Variants in RADIL observed in about 807,000 individuals in gnomAD.
The protein encoded by RADIL is Rap associating with DIL domain.
In RADIL, 99 loss-of-function variants were observed where a neutral mutation model predicts 97.6. That is an observed-to-expected ratio of 1.01 (90% confidence interval 0.86 to 1.20). The LOEUF (loss-of-function observed/expected upper bound fraction) is 1.20. Among genes scored for constraint, RADIL ranks in the 50% most tolerant of loss-of-function variants. The pLI is 0.00. For synonymous variants in RADIL, 803 were observed against 691.8 expected (o/e 1.16, Z -2.52); for missense variants, 1,765 against 1,498.9 (o/e 1.18, Z -2.93).
intron 1 of RADIL, among the ~76,000 whole-genome samples, chr7:4,881,735 A>T (rs1368955805): frequency 1.3e-5 from 2 of 152,104 alleles, no homozygotes; most frequent in Non-Finnish European, 2.9e-5. Context: ...TCAAAAAAAA[A>T]AAAAAAGACA....
intron 2 of RADIL, among the ~76,000 whole-genome samples, chr7:4,856,621 A>C (rs1009082892): frequency 6.6e-6 from 1 of 152,114 alleles, no homozygotes; most frequent in African/African-American, 2.4e-5. Context: ...TGTCTTCTTT[A>C]TGCTGTTACT....
chr7:4,809,507 G>A (rs918518532), intron 9 of RADIL: 8 of 985,198 alleles, frequency 8.1e-6, no homozygotes, highest in South Asian at 9.4e-5. Flanking sequence ...CCCAAAACAA[G>A]AACAAGAACG....
Position 4,860,726 on chromosome 7 carries a change from A to C in RADIL, c.535+16879T>G. On this transcript the variant is annotated intron_variant, in intron 2 of 14. Transcript: ENST00000399583. ...TTGAAAGAAGCTTGGAGCTTCAAAG[A>C]GTTTGGACCACTCTGCCTTACTTAG... The C allele has an allele frequency of 6.2e-7, 1 of 1,614,160 alleles. No homozygotes were observed. Among genetic ancestry groups the C allele is most frequent in the Non-Finnish European group, 8.5e-7 (1 of 1,180,000 alleles).
Position 4,822,627 on chromosome 7 carries a change from C to T in RADIL, c.1455-73G>A, listed in dbSNP as rs982953860. ...GAGGCTGAATCTACCACTCTTTCTA[C>T]ATAAGGATGCGCGTTTTCATGGGAC... On this transcript the variant is annotated intron_variant, in intron 5 of 14. Transcript: ENST00000399583. This position sits in a 1 kb window ranked among gnomAD's most constrained non-coding sequence, Gnocchi z 5.3. 11 of 1,515,942 alleles carry T rather than the reference C, an allele frequency of 7.3e-6. No homozygotes were observed. The highest frequency in any genetic ancestry group is 4.5e-5 in the East Asian group (2 of 44,260). The allele number at this position is 1,515,942 out of a possible 1,614,324, so 93.9% of individuals were successfully genotyped here. A position where few individuals can be genotyped will look rare whatever the true frequency, so the allele number is the denominator to read the frequency against.
At position 4,883,050 on chromosome 7, in the gene RADIL, T is replaced by C. The variant is rs1165454423; in HGVS notation, c.-65+546A>G. Among the ~76,000 whole-genome samples the C allele has an allele frequency of 6.6e-6, 1 of 151,958 alleles. No individual in the cohort carries two copies. The highest frequency in any genetic ancestry group is 1.9e-4 in the East Asian group (1 of 5,180). On this transcript the variant is annotated intron_variant, in intron 1 of 14. Transcript: ENST00000399583. This position sits in a 1 kb window ranked among gnomAD's most constrained non-coding sequence, Gnocchi z 7.1. ...CGAGGGGCTGGAAATGGTACATAAATAGCCGGGAAACAATGCTTTGAGCTG... is the reference window on the plus strand; with the variant it reads ...CGAGGGGCTGGAAATGGTACATAAACAGCCGGGAAACAATGCTTTGAGCTG...
At chr7:4,855,252 T>C (rs1270644349) in intron 2 of RADIL, among the ~76,000 whole-genome samples, 1 of 152,186 alleles carries the variant, frequency 6.6e-6, no homozygotes, top group Non-Finnish European at 1.5e-5. Flanking sequence ...TTTCAAATGC[T>C]TCCTGACTTT....
chr7:4,875,191 CCAACAACAA>C (rs145735931), intron 2 of RADIL, among the ~76,000 whole-genome samples: 29,025 of 110,042 alleles, frequency 0.26, 4,284 homozygotes, highest in Admixed American at 0.36. Context: ...GACTCCATCT[CCAACAACAA>C]CAACAACAAC....
intron 11 of RADIL, among the ~76,000 whole-genome samples, chr7:4,802,462 CG>C (rs1229067095): frequency 6.9e-6 from 1 of 144,700 alleles, no homozygotes; most frequent in East Asian, 2.1e-4. Flanking sequence ...CCGGGCACCT[CG>C]GGGCACGCTG....
intron 4 of RADIL, 81 bp from the exon 5 acceptor site, chr7:4,832,259 A>G: frequency 1.4e-6 from 2 of 1,394,610 alleles, no homozygotes; most frequent in Non-Finnish European, 2.0e-6. Flanking sequence ...GATACCATCG[A>G]CAGGAAAACA....
intron 2 of RADIL, among the ~76,000 whole-genome samples, chr7:4,850,268 T>C (rs1392195149): frequency 1.4e-5 from 2 of 144,450 alleles, no homozygotes; most frequent in Non-Finnish European, 3.0e-5. Flanking sequence ...TGTATGTATG[T>C]ATATACATGT....
At chr7:4,820,003 C>G (rs1197027546) in intron 6 of RADIL, among the ~76,000 whole-genome samples, 1 of 152,266 alleles carries the variant, frequency 6.6e-6, no homozygotes, top group Non-Finnish European at 1.5e-5. Flanking sequence ...GCCACCAAAC[C>G]CAGGCAGCCA....
In RADIL at chr7:4,873,726, C is replaced by T. The variant is rs978468270; in HGVS notation, c.535+3879G>A. Among the ~76,000 whole-genome samples the T allele has an allele frequency of 6.6e-6, 1 of 152,254 alleles. No individual in the cohort carries two copies. Among genetic ancestry groups the T allele is most frequent in the Non-Finnish European group, 1.5e-5 (1 of 68,050 alleles). On this transcript the variant is annotated intron_variant, in intron 2 of 14. Coordinates refer to ENST00000399583, the MANE Select transcript of RADIL (RefSeq NM_018059.5). This position sits in a 1 kb window ranked among gnomAD's most constrained non-coding sequence, Gnocchi z 4.3. ...GGCCACTCTCAGGACAAACAGACAC[C>T]ACAGCAGCCCCATCGGTGCCCAGGG...
Position 4,836,610 on chromosome 7 carries a change from A to G in RADIL, c.536-5T>C, listed in dbSNP as rs1783307450. ...TCCGGGCCTGGGCGTTTATCCCTGG[A>G]ACAGAAGCAACACAAGGTGAACAGT... On this transcript the variant is annotated splice_region_variant and splice_polypyrimidine_tract_variant and intron_variant, in intron 2 of 14. Coordinates refer to ENST00000399583, the MANE Select transcript of RADIL (RefSeq NM_018059.5). The G allele has an allele frequency of 1.2e-6, 2 of 1,605,986 alleles. No homozygotes were observed. The highest frequency in any genetic ancestry group is 1.7e-6 in the Non-Finnish European group (2 of 1,179,690).
At chr7:4,800,994 C>T (rs897917253) in intron 12 of RADIL, among the ~76,000 whole-genome samples, 5 of 152,230 alleles carry the variant, frequency 3.3e-5, no homozygotes, top group Non-Finnish European at 7.3e-5. Context: ...AATGCCCTCC[C>T]CAGCCTAGGC....
Position 4,801,996 on chromosome 7 carries a change from C to A in RADIL, c.2500-1G>T. On this transcript the variant is annotated splice_acceptor_variant, in intron 11 of 14. Coordinates refer to ENST00000399583, the MANE Select transcript of RADIL (RefSeq NM_018059.5). LOFTEE classifies it high-confidence loss of function. ...CGTCAAGGACCACGTGGTGCATACC[C>A]TAGGGAGAGGAAGGGTGACAGCTCA... 1 of 1,507,142 alleles carries A rather than the reference C, an allele frequency of 6.6e-7. No individual in the cohort carries two copies. Among genetic ancestry groups the A allele is most frequent in the Non-Finnish European group, 8.8e-7 (1 of 1,130,162 alleles). 93.4% of individuals were successfully genotyped at this position (1,507,142 alleles called of 1,614,324 possible).
rs571407473 is a variant in RADIL, at chr7:4,826,601, C to T, written c.1455-4047G>A. ...TACAAAAATTAGCCGGGCGTGGTGG[C>T]GCGTGCCTGTAATCCTAGCTACTCT... On this transcript the variant is annotated intron_variant, in intron 5 of 14. Coordinates refer to ENST00000399583, the MANE Select transcript of RADIL (RefSeq NM_018059.5). 2.4e-3 allele frequency among the ~76,000 whole-genome samples: 363 copies of T among 151,652 alleles called. 2 individuals carry two copies. The highest frequency in any genetic ancestry group is 8.3e-3 in the African/African-American group (344 of 41,318).
chr7:4,878,977 T>G lies in RADIL; in HGVS notation c.-64-774A>C, dbSNP rs6944212. On this transcript the variant is annotated intron_variant, in intron 1 of 14. Coordinates refer to ENST00000399583, the MANE Select transcript of RADIL (RefSeq NM_018059.5). The surrounding 1 kb of genome is among the most constrained non-coding windows in gnomAD (Gnocchi z 4.1). ...GCGAATCGCAGCCACGTTGGCAGAA[T>G]AGACCATCAGACATTCCAGACACAA... Among the ~76,000 whole-genome samples the G allele has an allele frequency of 0.08, 12,189 of 152,248 alleles. 1,561 individuals carry two copies. The highest frequency in any genetic ancestry group is 0.27 in the African/African-American group (11,394 of 41,496).
Position 4,835,332 on chromosome 7 carries a change from G to GCATTTGTGGCCAGGTCCT in RADIL, c.784-94_784-93insAGGACCTGGCCACAAATG. The stretch of plus-strand genomic sequence containing the variant: ...AGTCACTGGTTGCTGAAGCAGCGTG[G>GCATTTGTGGCCAGGTCCT]CTGGGATGCTGTCGCCACGGGCTCT... On this transcript the variant is annotated intron_variant, in intron 3 of 14. Coordinates refer to ENST00000399583, the MANE Select transcript of RADIL (RefSeq NM_018059.5). This position sits in a 1 kb window ranked among gnomAD's most constrained non-coding sequence, Gnocchi z 5.8. 1 of 1,488,074 alleles carries GCATTTGTGGCCAGGTCCT rather than the reference G, an allele frequency of 6.7e-7. No homozygotes were observed. The highest frequency in any genetic ancestry group is 9.0e-7 in the Non-Finnish European group (1 of 1,110,436). The allele number at this position is 1,488,074 out of a possible 1,614,324, so 92.2% of individuals were successfully genotyped here.
chr7:4,808,069 CCTCT>C (rs766979458), intron 9 of RADIL, among the ~76,000 whole-genome samples: 41 of 122,260 alleles, frequency 3.4e-4, no homozygotes, highest in East Asian at 1.1e-3. Flanking sequence ...TCCCTCCCTC[CCTCT>C]GTCTCTCTCC....
Sources: allele counts gnomAD v4.1 joint callset (sites outside exome capture counted in the v4.1 genomes callset), GRCh38; gene constraint gnomAD v4.1.1; non-coding constraint Gnocchi (gnomAD v3.1); transcripts MANE v1.5; gene names NCBI Gene and HGNC (gene_info 2026-07-23, HGNC 2026-07-21).